The following CSMD1 variants were observed in gnomAD, a reference collection of about 807,000 sequenced individuals.
CSMD1 encodes the protein CUB and sushi domain-containing protein 1.
In CSMD1, 213 loss-of-function variants were observed where a neutral mutation model predicts 417.5. The ratio of observed to expected loss-of-function variants is 0.51; its 90% confidence interval spans 0.46 to 0.57. The LOEUF (loss-of-function observed/expected upper bound fraction) is 0.57, where lower values mean the gene tolerates loss of function less well. Among genes scored for constraint, CSMD1 ranks in the 20% least tolerant of loss-of-function variants. The pLI is 0.00. For missense variants in CSMD1, 6,923 were observed against 4,529.7 expected (o/e 1.53, Z -15.17); for synonymous variants, 2,862 against 1,736.8 (o/e 1.65, Z -16.11).
At position 3,850,023 on chromosome 8, in the gene CSMD1, T is replaced by C. The variant is rs1374595934; in HGVS notation, c.819-95981A>G. Among the ~76,000 whole-genome samples, 3 of 152,170 alleles carry C rather than the reference T, an allele frequency of 2.0e-5. No homozygotes were observed. In the East Asian group the frequency reaches 5.8e-4, roughly 29 times the overall value. On this transcript the variant is annotated intron_variant, in intron 5 of 69. Transcript: ENST00000635120. ...TTTCACGATGTTGGTCTCAAACTTCTGACCTCAGGTGATCCACCAGCCTCA... is the reference window on the plus strand; with the variant it reads ...TTTCACGATGTTGGTCTCAAACTTCCGACCTCAGGTGATCCACCAGCCTCA...
At chr8:3,946,071 G>C (rs1297837294) in intron 5 of CSMD1, among the ~76,000 whole-genome samples, 1 of 152,132 alleles carries the variant, frequency 6.6e-6, no homozygotes. Flanking sequence ...CTAACGTAAA[G>C]TGTAATGGTG....
chr8:3,060,300 T>C (rs144590435), intron 49 of CSMD1, among the ~76,000 whole-genome samples: 1,533 of 152,066 alleles, frequency 0.01, 26 homozygotes, highest in African/African-American at 0.035. Context: ...CGTGCACCAC[T>C]GTGCCTAGCT....
At chr8:4,137,882 T>G (rs1161930616) in intron 3 of CSMD1, among the ~76,000 whole-genome samples, 1 of 151,746 alleles carries the variant, frequency 6.6e-6, no homozygotes, top group African/African-American at 2.4e-5. Context: ...TTTAATTAAT[T>G]TATTTATTTA....
intron 3 of CSMD1, among the ~76,000 whole-genome samples, chr8:4,045,551 G>T (rs1036855802): frequency 6.6e-6 from 1 of 152,168 alleles, no homozygotes; most frequent in African/African-American, 2.4e-5. Context: ...TGCTGTTACA[G>T]CTCAGAAAGA....
At chr8:3,378,736 A>G (rs1373650737) in intron 18 of CSMD1, among the ~76,000 whole-genome samples, 2 of 152,236 alleles carry the variant, frequency 1.3e-5, no homozygotes, top group East Asian at 3.8e-4. Flanking sequence ...CTAGGTAGTG[A>G]TGGAACATAT....
intron 4 of CSMD1, among the ~76,000 whole-genome samples, chr8:4,018,366 C>G (rs1045944128): frequency 6.6e-6 from 1 of 152,174 alleles, no homozygotes; most frequent in Non-Finnish European, 1.5e-5. Context: ...TGCCGAGGAG[C>G]TGCCATCATC....
intron 5 of CSMD1, among the ~76,000 whole-genome samples, chr8:3,826,906 C>T: frequency 6.6e-6 from 1 of 152,074 alleles, no homozygotes; most frequent in East Asian, 1.9e-4. Flanking sequence ...CCCACCTCAG[C>T]CTCTTGAGTA....
chr8:3,397,938 T>C (rs1013151135), intron 16 of CSMD1, among the ~76,000 whole-genome samples: 7 of 152,234 alleles, frequency 4.6e-5, no homozygotes, highest in African/African-American at 7.2e-5. Context: ...CATTTCCTTA[T>C]GCAATTCATC....
intron 3 of CSMD1, among the ~76,000 whole-genome samples, chr8:4,332,233 GC>G (rs1388249578): frequency 6.6e-6 from 1 of 152,046 alleles, no homozygotes; most frequent in Non-Finnish European, 1.5e-5. Context: ...CGAAGCTAAC[GC>G]TAGCCATTGC....
rs979384120 is a variant in CSMD1 at position 4,228,811 on chromosome 8, G to A, written c.415+191142C>T. Among the ~76,000 whole-genome samples the A allele has an allele frequency of 2.6e-5, 4 of 152,120 alleles. No individual in the cohort carries two copies. The East Asian group carries it at 7.7e-4, about 29-fold the overall frequency. ...AGATTCTCCTGCTTCTGCATCCCAA[G>A]TAGCTGGGACTTCATGTGCACCACT... On this transcript the variant is annotated intron_variant, in intron 3 of 69. Transcript: ENST00000635120.
intron 3 of CSMD1, among the ~76,000 whole-genome samples, chr8:4,362,011 A>G (rs7833644): frequency 0.39 from 59,167 of 151,660 alleles, 12,880 homozygotes; most frequent in African/African-American, 0.6. Context: ...TCCTTAGATT[A>G]AGAAAAAGCA....
chr8:3,550,890 C>T (rs1259100137), intron 10 of CSMD1, among the ~76,000 whole-genome samples: 1 of 152,194 alleles, frequency 6.6e-6, no homozygotes, highest in Non-Finnish European at 1.5e-5. Context: ...ATCTCTGCTT[C>T]CACTCGAAAA....
At chr8:4,811,148 G>T (rs1484985127) in intron 1 of CSMD1, among the ~76,000 whole-genome samples, 2 of 152,116 alleles carry the variant, frequency 1.3e-5, no homozygotes, top group East Asian at 1.9e-4. Context: ...GAAAAATAAG[G>T]CTGTAGTGGC....
intron 2 of CSMD1, among the ~76,000 whole-genome samples, chr8:4,594,715 C>T (rs1800164954): frequency 6.6e-6 from 1 of 152,190 alleles, no homozygotes; most frequent in Non-Finnish European, 1.5e-5. Flanking sequence ...TTCCATTTAA[C>T]ATTTGAAATT....
chr8:3,821,636 G>C (rs1801742589), intron 5 of CSMD1, among the ~76,000 whole-genome samples: 1 of 152,126 alleles, frequency 6.6e-6, no homozygotes, highest in Non-Finnish European at 1.5e-5. Context: ...ACAAAAATTA[G>C]CCGGGCATGG....
chr8:3,455,654 C>T (rs930953243), intron 12 of CSMD1, among the ~76,000 whole-genome samples: 1 of 152,192 alleles, frequency 6.6e-6, no homozygotes, highest in African/African-American at 2.4e-5. Context: ...AATGCTGCTG[C>T]CTGATCCTTC....
intron 3 of CSMD1, among the ~76,000 whole-genome samples, chr8:4,248,582 T>C (rs891258911): frequency 6.6e-6 from 1 of 152,214 alleles, no homozygotes; most frequent in Non-Finnish European, 1.5e-5. Flanking sequence ...TCTCACCTCC[T>C]TCAAATCTGT....
chr8:3,045,002 T>C (rs1421322406), intron 50 of CSMD1, among the ~76,000 whole-genome samples: 2 of 152,206 alleles, frequency 1.3e-5, no homozygotes, highest in Non-Finnish European at 2.9e-5. Flanking sequence ...TCCATTTAAA[T>C]TAAGTGAACA....
intron 2 of CSMD1, among the ~76,000 whole-genome samples, chr8:4,603,291 A>T (rs1416050477): frequency 2.6e-5 from 4 of 152,048 alleles, no homozygotes; most frequent in Admixed American, 2.0e-4. Context: ...TTACATTTCA[A>T]TCAATTCCTT....
Sources: allele counts gnomAD v4.1 joint callset (sites outside exome capture counted in the v4.1 genomes callset), GRCh38; gene constraint gnomAD v4.1.1; transcripts MANE v1.5; gene names NCBI Gene and HGNC (gene_info 2026-07-23, HGNC 2026-07-21).